Variants in GSTM5 observed in about 807,000 individuals in gnomAD.
The protein encoded by GSTM5 is glutathione S-transferase mu 5.
GSTM5 carries 24 observed loss-of-function variants against 29.0 expected under a neutral mutation model. That is an observed-to-expected ratio of 0.83 (90% confidence interval 0.60 to 1.16). The LOEUF (loss-of-function observed/expected upper bound fraction) is 1.16, where lower values mean the gene tolerates loss of function less well. Ranked by LOEUF, GSTM5 falls within the 50% of genes most tolerant of loss-of-function variation. GSTM5 has a pLI of 0.00. For synonymous variants in GSTM5, 91 were observed against 93.6 expected (o/e 0.97, Z 0.16); for missense variants, 290 against 263.0 (o/e 1.10, Z -0.71).
intron 5 of GSTM5, chr1:109,714,560 T>C: frequency 4.1e-6 from 1 of 241,726 alleles, no homozygotes; most frequent in Non-Finnish European, 8.0e-6. Context: ...TTCATTGTTT[T>C]CTTCTGTCAC....
In GSTM5 at chr1:109,713,529, G is replaced by A; in HGVS notation, c.223G>A (p.Ala75Thr). ...GGCTCACAAGATCACCCAGAGCAAT[G>A]CCATCCTGCGCTACATTGCCCGCAA... The part of the protein sequence containing the change: ...DGAHKITQSN[A>T]ILRYIARKHN... Residue 75 changes from alanine to threonine, a missense_variant, in exon 4 of 8, where the codon GCC (alanine) becomes ACC (threonine). By Grantham distance (58) the Ala-to-Thr change is moderately conservative. Transcript: ENST00000256593. The A allele has an allele frequency of 6.2e-7, 1 of 1,614,232 alleles. No individual in the cohort carries two copies. Among genetic ancestry groups the A allele is most frequent in the Non-Finnish European group, 8.5e-7 (1 of 1,180,050 alleles).
chr1:109,715,933 TC>T, intron 7 of GSTM5: 1 of 820,340 alleles, frequency 1.2e-6, no homozygotes. Context: ...TTCCACGTCT[TC>T]CCCCTGTGAG....
chr1:109,715,824 A>G, intron 7 of GSTM5: 1 of 454,726 alleles, frequency 2.2e-6, no homozygotes, highest in South Asian at 1.8e-5. Flanking sequence ...ATTAGGGTAC[A>G]TATGTGGGTG....
Position 109,715,198 on chromosome 1 carries a change from G to A in GSTM5, c.525G>A (p.Leu175=). ...DMKRIFEPKC[L]DAFLNLKDFI... ...AGCGTATATTTGAGCCCAAGTGCTT[G>A]GACGCCTTCCTAAACTTGAAGGACT... The change falls in exon 7 of 8, where the codon TTG becomes TTA. Residue 175 remains leucine, a synonymous_variant. Transcript: ENST00000256593. The A allele has an allele frequency of 3.1e-6, 5 of 1,614,184 alleles. No homozygotes were observed. The highest frequency in any genetic ancestry group is 4.2e-6 in the Non-Finnish European group (5 of 1,180,032).
chr1:109,715,936 C>G (rs1648730973), intron 7 of GSTM5: 1 of 839,682 alleles, frequency 1.2e-6, no homozygotes, highest in African/African-American at 1.7e-5. Flanking sequence ...CACGTCTTCC[C>G]CCTGTGAGAT....
chr1:109,712,719 C>T (rs775764050), intron 2 of GSTM5, 26 bp downstream of exon 2: 9 of 1,612,896 alleles, frequency 5.6e-6, no homozygotes, highest in Admixed American at 1.7e-5. Flanking sequence ...TGTCCGGGCC[C>T]TGCCCACTCA....
chr1:109,711,892 G>GGCA (rs934704347), upstream of GSTM5, among the ~76,000 whole-genome samples: 62 of 135,768 alleles, frequency 4.6e-4, no homozygotes, highest in African/African-American at 1.4e-3. Context: ...TTGGGAACTC[G>GGCA]GCAGCGGAGA....
At chr1:109,713,269 A>T in intron 3 of GSTM5, 86 bp downstream of exon 3, 1 of 1,591,926 alleles carries the variant, frequency 6.3e-7, no homozygotes, top group Non-Finnish European at 8.6e-7. Flanking sequence ...AGGTGTTAAG[A>T]TCAGGAGTCT....
rs878927974 is a variant in GSTM5 at position 109,714,778 on chromosome 1, C to T, written c.361-169C>T. ...ATAGGGTCTGGCACCCAGTCAGAGT[C>T]TAATAAATGCTGATGTATCCAATTG... On this transcript the variant is annotated intron_variant, in intron 5 of 7. Coordinates refer to ENST00000256593, the MANE Select transcript of GSTM5 (RefSeq NM_000851.4). 1.2e-5 allele frequency: 8 copies of T among 672,828 alleles called. No homozygotes were observed. In the South Asian group the frequency reaches 1.3e-4, roughly 11 times the overall value. The allele number at this position is 672,828 out of a possible 1,614,324, so 41.7% of individuals were successfully genotyped here. A position where few individuals can be genotyped will look rare whatever the true frequency, so the allele number is the denominator to read the frequency against.
At chr1:109,715,082 T>C in intron 6 of GSTM5, 40 bp downstream of exon 6, 1 of 1,614,098 alleles carries the variant, frequency 6.2e-7, no homozygotes, top group Non-Finnish European at 8.5e-7. Context: ...TCTGTTTTAC[T>C]TCATGTGTTT....
chr1:109,712,684 C>A lies in GSTM5; in HGVS notation c.103C>A (p.Leu35Met), dbSNP rs1130740. Residue 35 changes from leucine (L) to methionine (M), a missense_variant, in exon 2 of 8, where the codon CTG becomes ATG. By Grantham distance (15) the Leu-to-Met change is conservative. Coordinates refer to ENST00000256593, the MANE Select transcript of GSTM5 (RefSeq NM_000851.4). ...DSSYVEKKYT[L>M]GDAPDYDRSQ... ...AAGCTATGTGGAAAAGAAGTACACG[C>A]TGGGGGACGGTAATGGCACCCTCGT... is the stretch of plus-strand genomic sequence containing the variant. 2.7e-5 allele frequency: 44 copies of A among 1,614,148 alleles called. No homozygotes were observed. Among genetic ancestry groups the A allele is most frequent in the South Asian group, 8.8e-5 (8 of 91,086 alleles).
upstream of GSTM5, chr1:109,712,219 C>A: frequency 1.5e-6 from 2 of 1,371,652 alleles, no homozygotes; most frequent in Non-Finnish European, 2.1e-6. Flanking sequence ...GGGGCGGGGT[C>A]GCAGCAAGGC....
intron 7 of GSTM5, chr1:109,715,590 AG>A: frequency 8.4e-7 from 1 of 1,183,614 alleles, no homozygotes; most frequent in South Asian, 1.7e-5. Flanking sequence ...CAAAAGGAGA[AG>A]CCTCAGGCCT....
At chr1:109,715,440 C>G in intron 7 of GSTM5, 200 bp downstream of exon 7, 2 of 1,538,522 alleles carry the variant, frequency 1.3e-6, no homozygotes, top group Non-Finnish European at 1.8e-6. Context: ...ACAGAATTAT[C>G]TTGCCCATTT....
rs745658624 is a variant in GSTM5 at position 109,712,389 on chromosome 1, G to A, written c.36+41G>A. ...CTGGTGGGTGGGACAGGGGGCGGAG[G>A]CGGGGATGTGTGGAGTAGCTGCAGG... is the stretch of plus-strand genomic sequence containing the variant. On this transcript the variant is annotated intron_variant, in intron 1 of 7. Coordinates refer to ENST00000256593, the MANE Select transcript of GSTM5 (RefSeq NM_000851.4). 26 of 1,606,136 alleles carry A rather than the reference G, an allele frequency of 1.6e-5. No individual in the cohort carries two copies. The Admixed American group carries it at 3.7e-4, about 23-fold the overall frequency.
chr1:109,712,355 G>C lies in GSTM5; in HGVS notation c.36+7G>C, dbSNP rs748178780. 1 of 1,613,866 alleles carries C rather than the reference G, an allele frequency of 6.2e-7. No individual in the cohort carries two copies. Among genetic ancestry groups the C allele is most frequent in the South Asian group, 1.1e-5 (1 of 91,092 alleles). On this transcript the variant is annotated splice_region_variant and intron_variant, in intron 1 of 7. Coordinates refer to ENST00000256593, the MANE Select transcript of GSTM5 (RefSeq NM_000851.4). Reference sequence around the variant, plus strand: ...GTACTGGGACATCCGTGGGGTAAGCGAGGGTCCTCTGGTGGGTGGGACAGG... The same window carrying C: ...GTACTGGGACATCCGTGGGGTAAGCCAGGGTCCTCTGGTGGGTGGGACAGG...
intron 6 of GSTM5, 35 bp from the exon 7 acceptor site, chr1:109,715,095 G>A: frequency 6.2e-7 from 1 of 1,614,104 alleles, no homozygotes. Flanking sequence ...ATGTGTTTCG[G>A]GGTTTTCAGC....
At chr1:109,717,123 AAT>A in intron 7 of GSTM5, 1 of 243,868 alleles carries the variant, frequency 4.1e-6, no homozygotes, top group South Asian at 1.6e-4. Context: ...ATCTTTCGTA[AAT>A]GGTAGCTGTT....
At chr1:109,714,870 C>A in intron 5 of GSTM5, 77 bp from the exon 6 acceptor site, 1 of 1,414,802 alleles carries the variant, frequency 7.1e-7, no homozygotes, top group Non-Finnish European at 1.0e-6. Flanking sequence ...CAGCCTGGGC[C>A]ATCTACAGCC....
Sources: allele counts gnomAD v4.1 joint callset (sites outside exome capture counted in the v4.1 genomes callset), GRCh38; gene constraint gnomAD v4.1.1; transcripts MANE v1.5; gene names NCBI Gene and HGNC (gene_info 2026-07-23, HGNC 2026-07-21).